EBF1: variants seen among roughly 807,000 people sequenced by gnomAD.
The protein encoded by EBF1 is transcription factor COE1.
EBF1 carries 10 observed loss-of-function variants against 68.4 expected under a neutral mutation model. The ratio of observed to expected loss-of-function variants is 0.15; its 90% confidence interval spans 0.09 to 0.25. The LOEUF is 0.25. Ranked by LOEUF, EBF1 falls within the 10% of genes least tolerant of loss-of-function variation. The pLI is 1.00. For synonymous variants in EBF1, 298 were observed against 299.8 expected (o/e 0.99, Z 0.06); for missense variants, 509 against 794.4 (o/e 0.64, Z 4.32).
chr5:158,820,270 G>C (rs1582199710), intron 8 of EBF1, among the ~76,000 whole-genome samples: 1 of 152,020 alleles, frequency 6.6e-6, no homozygotes, highest in Non-Finnish European at 1.5e-5. Context: ...AAGGCGGTGG[G>C]GGGTGGGAGC....
chr5:158,710,104 TAATTA>T (rs1758842616), intron 14 of EBF1, among the ~76,000 whole-genome samples: 1 of 152,226 alleles, frequency 6.6e-6, no homozygotes, highest in Non-Finnish European at 1.5e-5. Context: ...GCTTTATGAA[TAATTA>T]AATATTATGG....
chr5:158,986,940 G>T (rs1049290123), intron 6 of EBF1: 1 of 152,238 alleles, frequency 6.6e-6, no homozygotes, highest in Non-Finnish European at 1.5e-5. Context: ...GGCTCAGAGA[G>T]ACTGAATAAC....
intron 6 of EBF1, among the ~76,000 whole-genome samples, chr5:158,855,987 G>A (rs1293711025): frequency 6.6e-6 from 1 of 152,208 alleles, no homozygotes; most frequent in East Asian, 1.9e-4. Context: ...ACACAAAGTG[G>A]AGGATATAAA....
At chr5:159,078,901 A>C (rs1373171738) in intron 5 of EBF1, among the ~76,000 whole-genome samples, 1 of 152,174 alleles carries the variant, frequency 6.6e-6, no homozygotes, top group East Asian at 1.9e-4. Flanking sequence ...AGCAAGAAAC[A>C]CCTAAATATT....
chr5:158,899,760 T>C (rs566199934), intron 6 of EBF1, among the ~76,000 whole-genome samples: 1 of 152,312 alleles, frequency 6.6e-6, no homozygotes, highest in South Asian at 2.1e-4. Flanking sequence ...AATGAAGAGA[T>C]ATTGAATGGA....
At chr5:159,076,984 A>C (rs754483853) in intron 5 of EBF1, among the ~76,000 whole-genome samples, 25 of 152,258 alleles carry the variant, frequency 1.6e-4, no homozygotes, top group Non-Finnish European at 3.2e-4. Flanking sequence ...GAGAAAACCA[A>C]GTTGCAGAAT....
At chr5:158,880,517 T>C (rs1798693114) in intron 6 of EBF1, among the ~76,000 whole-genome samples, 1 of 152,194 alleles carries the variant, frequency 6.6e-6, no homozygotes, top group Non-Finnish European at 1.5e-5. Context: ...ACTAAACATA[T>C]GTACATATTT....
intron 9 of EBF1, among the ~76,000 whole-genome samples, chr5:158,794,119 G>A (rs1413549868): frequency 1.3e-5 from 2 of 152,128 alleles, no homozygotes; most frequent in African/African-American, 4.8e-5. Flanking sequence ...TTATGACATA[G>A]CTACAACCAA....
intron 6 of EBF1, among the ~76,000 whole-genome samples, chr5:159,042,437 G>C (rs1460827805): frequency 6.6e-6 from 1 of 152,098 alleles, no homozygotes; most frequent in Non-Finnish European, 1.5e-5. Flanking sequence ...ATATCTAAAA[G>C]CTGACCCTAT....
intron 10 of EBF1, among the ~76,000 whole-genome samples, chr5:158,747,307 A>G (rs17056159): frequency 0.29 from 43,930 of 152,102 alleles, 6,831 homozygotes; most frequent in African/African-American, 0.39. Context: ...TCACTTTTGC[A>G]AACTTAATTT....
intron 6 of EBF1, among the ~76,000 whole-genome samples, chr5:159,019,601 T>C (rs1766278576): frequency 6.6e-6 from 1 of 152,244 alleles, no homozygotes; most frequent in Non-Finnish European, 1.5e-5. Context: ...ATGTTTGTTT[T>C]TCCCATTTGT....
chr5:158,720,925 C>T (rs1035490553), intron 11 of EBF1, among the ~76,000 whole-genome samples: 2 of 152,212 alleles, frequency 1.3e-5, no homozygotes, highest in African/African-American at 4.8e-5. Flanking sequence ...TAAGAAGATT[C>T]AGCTGAAGCT....
chr5:158,731,843 A>T lies in EBF1; in HGVS notation c.1037-686T>A, dbSNP rs1053508969. Among the ~76,000 whole-genome samples the T allele has an allele frequency of 1.3e-5, 2 of 152,352 alleles. 1 individual carries two copies. Among genetic ancestry groups the T allele is most frequent in the East Asian group, 3.9e-4 (2 of 5,188 alleles). On this transcript the variant is annotated intron_variant, in intron 10 of 15. Transcript: ENST00000313708. ...TTAGAGCAGCCGAGTCTCCAAGAAT[A>T]ATCCTTGAAAACACCAAAAGAAGAG...
Position 158,860,523 on chromosome 5 carries a change from G to A in EBF1, c.555-20413C>T, listed in dbSNP as rs1221011286. Among the ~76,000 whole-genome samples, 5 of 152,172 alleles carry A rather than the reference G, an allele frequency of 3.3e-5. No individual in the cohort carries two copies. In the East Asian group the frequency reaches 9.6e-4, roughly 29 times the overall value. ...ACAAGCCACCACCATGTGGACAGGA[G>A]CCACCTCTCACGATTTCCACTGAGA... On this transcript the variant is annotated intron_variant, in intron 6 of 15. Transcript: ENST00000313708.
intron 6 of EBF1, among the ~76,000 whole-genome samples, chr5:158,992,166 C>G (rs1210293272): frequency 6.6e-6 from 1 of 150,736 alleles, no homozygotes; most frequent in Admixed American, 6.6e-5. Flanking sequence ...ACAGCTTATT[C>G]AACTAAGACT....
intron 9 of EBF1, among the ~76,000 whole-genome samples, chr5:158,778,400 T>G (rs1192604670): frequency 6.6e-6 from 1 of 152,208 alleles, no homozygotes; most frequent in East Asian, 1.9e-4. Flanking sequence ...GTTCTCTTTC[T>G]ATGGGATTCT....
chr5:159,005,894 CT>C (rs1763455555), intron 6 of EBF1, among the ~76,000 whole-genome samples: 2 of 152,158 alleles, frequency 1.3e-5, no homozygotes, highest in Non-Finnish European at 2.9e-5. Flanking sequence ...TTAAGAATCC[CT>C]GAATTATAAT....
chr5:158,945,678 T>C (rs759953881), intron 6 of EBF1, among the ~76,000 whole-genome samples: 1 of 152,204 alleles, frequency 6.6e-6, no homozygotes, highest in Non-Finnish European at 1.5e-5. Context: ...AGGAGTATCT[T>C]TGTGGTGTTC....
At chr5:158,938,822 G>A (rs1229841129) in intron 6 of EBF1, among the ~76,000 whole-genome samples, 1 of 152,172 alleles carries the variant, frequency 6.6e-6, no homozygotes, top group Non-Finnish European at 1.5e-5. Context: ...GGGGGTTGGA[G>A]CTTTGAAATA....
Sources: gnomAD v4.1 joint callset for allele counts (sites outside exome capture counted in the v4.1 genomes callset) on GRCh38, gnomAD v4.1.1 for gene constraint, MANE v1.5 for transcripts, NCBI Gene and HGNC (gene_info 2026-07-23, HGNC 2026-07-21) for gene names.